The following C1QTNF3 variants were observed in gnomAD, a reference collection of about 807,000 sequenced individuals.
C1QTNF3 encodes C1q and TNF related 3, also known as complement C1q tumor necrosis factor-related protein 3.
In C1QTNF3, 26 loss-of-function variants were observed where a neutral mutation model predicts 32.6. The observed-to-expected ratio is 0.80, with a 90% CI of 0.58 to 1.11. The LOEUF (loss-of-function observed/expected upper bound fraction) is 1.11. C1QTNF3 is among the 50% of genes least tolerant of loss of function. The pLI is 0.00. For synonymous variants in C1QTNF3, 155 were observed against 146.0 expected (o/e 1.06, Z -0.44); for missense variants, 362 against 398.2 (o/e 0.91, Z 0.77).
chr5:34,028,804 A>T lies in C1QTNF3; in HGVS notation c.650T>A (p.Ile217Asn). The T allele has an allele frequency of 6.2e-7, 1 of 1,612,498 alleles. No homozygotes were observed. The highest frequency in any genetic ancestry group is 8.5e-7 in the Non-Finnish European group (1 of 1,179,168). Reference protein sequence around the residue: ...GIIFSSVETNIGNFFDVMTGR... With the variant: ...GIIFSSVETNNGNFFDVMTGR... ...AGTCATGACATCAAAGAAGTTTCCAATGTTGGTCTCAACACTGCTGAAGAT... is the reference window on the plus strand; with the variant it reads ...AGTCATGACATCAAAGAAGTTTCCATTGTTGGTCTCAACACTGCTGAAGAT... The change falls in exon 4 of 6, where the codon ATT becomes AAT. Residue 217 changes from isoleucine to asparagine, a missense_variant. Transcript: ENST00000382065.
chr5:34,122,754 T>C, the C1QTNF3 span, among the ~76,000 whole-genome samples: 1 of 151,232 alleles, frequency 6.6e-6, no homozygotes, highest in African/African-American at 2.4e-5. Context: ...GCCACCTCAA[T>C]GGAAGGTAGG....
chr5:34,154,802 G>C, the C1QTNF3 span, among the ~76,000 whole-genome samples: 42 of 152,156 alleles, frequency 2.8e-4, no homozygotes, highest in East Asian at 7.5e-3. Flanking sequence ...ACAATCTCTG[G>C]GCATCAGGTA....
intron 2 of C1QTNF3, among the ~76,000 whole-genome samples, chr5:34,034,013 A>G (rs1754679015): frequency 6.6e-6 from 1 of 152,136 alleles, no homozygotes; most frequent in South Asian, 2.1e-4. Flanking sequence ...ATAGAAATTA[A>G]AAAATTAGCC....
the C1QTNF3 span, among the ~76,000 whole-genome samples, chr5:34,220,547 A>G: frequency 2.0e-5 from 3 of 151,854 alleles, no homozygotes; most frequent in African/African-American, 7.3e-5. Context: ...ACACACACAC[A>G]CGACTGCATT....
At chr5:34,056,493 G>T in the C1QTNF3 span, among the ~76,000 whole-genome samples, 3,153 of 112,340 alleles carry the variant, frequency 0.028, 16 homozygotes, top group African/African-American at 0.041. Flanking sequence ...GAGAGAGAGA[G>T]AGAGAGAGAG....
At chr5:34,094,977 AAT>A in the C1QTNF3 span, among the ~76,000 whole-genome samples, 1 of 151,440 alleles carries the variant, frequency 6.6e-6, no homozygotes, top group African/African-American at 2.4e-5. Flanking sequence ...AGTAAAAATT[AAT>A]AGAGTACATG....
the C1QTNF3 span, among the ~76,000 whole-genome samples, chr5:34,177,776 T>A: frequency 6.6e-6 from 1 of 151,324 alleles, no homozygotes; most frequent in Admixed American, 6.6e-5. Flanking sequence ...CGTCAGCCAC[T>A]GCACCCAGCC....
chr5:34,115,112 T>G, the C1QTNF3 span, among the ~76,000 whole-genome samples: 1 of 152,172 alleles, frequency 6.6e-6, no homozygotes, highest in African/African-American at 2.4e-5. Context: ...GAAATTATCA[T>G]TATTTGGATA....
chr5:34,060,083 C>T, the C1QTNF3 span, among the ~76,000 whole-genome samples: 1 of 152,218 alleles, frequency 6.6e-6, no homozygotes, highest in Admixed American at 6.5e-5. Flanking sequence ...CAGAATGTTA[C>T]TAGTGTTATA....
chr5:34,056,448 GTGTGTGTA>G, the C1QTNF3 span, among the ~76,000 whole-genome samples: 25 of 42,694 alleles, frequency 5.9e-4, no homozygotes, highest in African/African-American at 2.0e-3. Context: ...GTGTGTGTGT[GTGTGTGTA>G]TATATATATA....
At chr5:34,194,969 T>G in the C1QTNF3 span, among the ~76,000 whole-genome samples, 1 of 151,870 alleles carries the variant, frequency 6.6e-6, no homozygotes, top group African/African-American at 2.4e-5. Context: ...AGACGCAATT[T>G]TTTTTTCCAA....
intron 4 of C1QTNF3, among the ~76,000 whole-genome samples, chr5:34,026,629 G>A (rs1754467974): frequency 1.3e-5 from 2 of 152,178 alleles, no homozygotes; most frequent in South Asian, 2.1e-4. Flanking sequence ...ATACTTAAAA[G>A]AATCCGTTAG....
the C1QTNF3 span, among the ~76,000 whole-genome samples, chr5:34,080,216 C>T: frequency 6.6e-6 from 1 of 151,580 alleles, no homozygotes; most frequent in Non-Finnish European, 1.5e-5. Context: ...TTCAACTTTA[C>T]AATAAGTAAC....
the C1QTNF3 span, among the ~76,000 whole-genome samples, chr5:34,103,600 C>T: frequency 7.9e-6 from 1 of 127,066 alleles, no homozygotes; most frequent in Non-Finnish European, 1.7e-5. Flanking sequence ...GGGAGGTCAC[C>T]TGAGGTCAGG....
Position 34,033,174 on chromosome 5 carries a change from G to C in C1QTNF3, c.570+130C>G. ...TATGCAAACATCCTGTGATGTAGAT[G>C]AACAAACTGAGACTCAGATTTACTC... On this transcript the variant is annotated intron_variant, in intron 3 of 5. Transcript: ENST00000382065. 6.0e-6 allele frequency: 6 copies of C among 1,001,178 alleles called. No homozygotes were observed. In the South Asian group the frequency reaches 8.9e-5, roughly 15 times the overall value. The allele number at this position is 1,001,178 out of a possible 1,614,324, so 62.0% of individuals were successfully genotyped here.
At chr5:34,202,918 A>G in the C1QTNF3 span, among the ~76,000 whole-genome samples, 1 of 152,056 alleles carries the variant, frequency 6.6e-6, no homozygotes, top group African/African-American at 2.4e-5. Flanking sequence ...AGATGGTTCT[A>G]GTGTGAAATA....
chr5:34,036,008 G>C (rs184734316), intron 1 of C1QTNF3, among the ~76,000 whole-genome samples: 1 of 152,202 alleles, frequency 6.6e-6, no homozygotes, highest in Admixed American at 6.5e-5. Context: ...GCGTGTGGGT[G>C]GGGGTGGGAA....
chr5:34,069,637 GA>G, the C1QTNF3 span, among the ~76,000 whole-genome samples: 3 of 152,202 alleles, frequency 2.0e-5, no homozygotes, highest in Non-Finnish European at 2.9e-5. Context: ...CAAATAAAGG[GA>G]ATGGATACAT....
At chr5:34,154,297 T>C in the C1QTNF3 span, among the ~76,000 whole-genome samples, 2 of 152,212 alleles carry the variant, frequency 1.3e-5, no homozygotes, top group African/African-American at 2.4e-5. Flanking sequence ...CAAAATCAAA[T>C]GTGTATTTAT....
Sources: gnomAD v4.1 joint callset for allele counts (sites outside exome capture counted in the v4.1 genomes callset) on GRCh38, gnomAD v4.1.1 for gene constraint, MANE v1.5 for transcripts, NCBI Gene and HGNC (gene_info 2026-07-23, HGNC 2026-07-21) for gene names.